TRERF1: variants seen among roughly 807,000 people sequenced by gnomAD.
The protein encoded by TRERF1 is transcriptional-regulating factor 1.
A neutral mutation model predicts 122.9 loss-of-function variants in TRERF1; 27 were observed. The observed-to-expected ratio is 0.22, with a 90% CI of 0.16 to 0.30. TRERF1 has a LOEUF of 0.30. Among genes scored for constraint, TRERF1 ranks in the 10% least tolerant of loss-of-function variants. TRERF1 has a pLI of 1.00. For missense variants in TRERF1, 1,248 were observed against 1,560.3 expected (o/e 0.80, Z 3.37); for synonymous variants, 636 against 641.7 (o/e 0.99, Z 0.13).
At chr6:42,432,959 G>A (rs1203625346) in intron 2 of TRERF1, among the ~76,000 whole-genome samples, 2 of 152,092 alleles carry the variant, frequency 1.3e-5, no homozygotes, top group Non-Finnish European at 2.9e-5. Flanking sequence ...AGGTATTATG[G>A]GGCAGTGAAT....
chr6:42,264,360 C>A (rs1404244798), intron 7 of TRERF1, among the ~76,000 whole-genome samples: 1 of 152,208 alleles, frequency 6.6e-6, no homozygotes, highest in Non-Finnish European at 1.5e-5. Flanking sequence ...CTGGAAGGCC[C>A]CAGTGGGCCT....
At chr6:42,254,760 G>T in intron 13 of TRERF1, 91 bp downstream of exon 13, 2 of 1,170,696 alleles carry the variant, frequency 1.7e-6, no homozygotes, top group South Asian at 1.2e-5. Flanking sequence ...GGACAGAACC[G>T]GTGTTATCCA....
intron 9 of TRERF1, 57 bp from the exon 10 acceptor site, chr6:42,258,258 T>TAA: frequency 1.3e-6 from 2 of 1,509,870 alleles, no homozygotes; most frequent in Non-Finnish European, 1.8e-6. Context: ...TGAAAAAGAC[T>TAA]AAAGCAAATG....
At chr6:42,288,407 A>G (rs1783652426) in intron 4 of TRERF1, among the ~76,000 whole-genome samples, 1 of 151,958 alleles carries the variant, frequency 6.6e-6, no homozygotes, top group Non-Finnish European at 1.5e-5. Context: ...CATCTCTACT[A>G]AAAATACATC....
Position 42,228,348 on chromosome 6 carries a change from T to G in TRERF1, c.3600A>C (p.Leu1200=). The G allele has an allele frequency of 6.2e-7, 1 of 1,609,946 alleles. No individual in the cohort carries two copies. The highest frequency in any genetic ancestry group is 8.5e-7 in the Non-Finnish European group (1 of 1,177,346). Residue 1200 remains leucine (L), a synonymous_variant, in exon 18 of 18, where the codon CTA becomes CTC. Transcript: ENST00000372922. The surrounding 1 kb of genome is among the most constrained non-coding windows in gnomAD (Gnocchi z 4.2). Reference sequence around the variant, plus strand: ...TCTCTAAGTGACACACAGGGCTTTATAGTTCTGCGTCACCCTGAAGCAAGA... The same window carrying G: ...TCTCTAAGTGACACACAGGGCTTTAGAGTTCTGCGTCACCCTGAAGCAAGA...
intron 2 of TRERF1, among the ~76,000 whole-genome samples, chr6:42,414,247 T>A (rs1562164784): frequency 6.6e-6 from 1 of 152,216 alleles, no homozygotes; most frequent in Non-Finnish European, 1.5e-5. Flanking sequence ...TGTAAACATT[T>A]TTTAGCCACT....
At chr6:42,289,767 A>AC (rs1242071663) in intron 4 of TRERF1, among the ~76,000 whole-genome samples, 4 of 151,956 alleles carry the variant, frequency 2.6e-5, no homozygotes, top group Non-Finnish European at 4.4e-5. Context: ...TAGTTTGCTG[A>AC]CCCCCAGTGC....
At chr6:42,426,509 G>C (rs1418148305) in intron 2 of TRERF1, among the ~76,000 whole-genome samples, 1 of 152,156 alleles carries the variant, frequency 6.6e-6, no homozygotes, top group Non-Finnish European at 1.5e-5. Flanking sequence ...TAACAGGTCT[G>C]GTTTCAAAGC....
At position 42,269,637 on chromosome 6, in the gene TRERF1, G is replaced by C. The variant is rs766370170; in HGVS notation, c.-47C>G. ...CGTCCAGCCACAAAACCATAAAAAA[G>C]GTAAATAAAACAAACCCAAAAGGAC... On this transcript the variant is annotated 5_prime_UTR_variant, in exon 5 of 18. Coordinates refer to ENST00000372922, the Ensembl canonical transcript of TRERF1. This position sits in a 1 kb window ranked among gnomAD's most constrained non-coding sequence, Gnocchi z 4.9. The C allele has an allele frequency of 6.3e-7, 1 of 1,586,314 alleles. No homozygotes were observed. Among genetic ancestry groups the C allele is most frequent in the South Asian group, 1.1e-5 (1 of 87,624 alleles).
intron 4 of TRERF1, among the ~76,000 whole-genome samples, chr6:42,280,288 C>T (rs1026475211): frequency 2.6e-5 from 4 of 152,198 alleles, no homozygotes; most frequent in African/African-American, 9.6e-5. Context: ...GGGCTGGAGG[C>T]CTTCCAGCAG....
chr6:42,367,976 C>G (rs972642452), intron 2 of TRERF1, among the ~76,000 whole-genome samples: 22 of 152,202 alleles, frequency 1.4e-4, no homozygotes, highest in Middle Eastern at 6.8e-3. Flanking sequence ...ACTTTGACAC[C>G]CTGCCTGGCC....
intron 2 of TRERF1, among the ~76,000 whole-genome samples, chr6:42,368,353 C>T (rs911054671): frequency 4.6e-5 from 7 of 152,104 alleles, no homozygotes; most frequent in East Asian, 3.9e-4. Context: ...GTTGGCTCCT[C>T]GGCGCCCCCA....
rs115573862 is a variant in TRERF1, at chr6:42,280,461, G to A, written c.-258-10613C>T. On this transcript the variant is annotated intron_variant, in intron 4 of 17. Coordinates refer to ENST00000372922, the Ensembl canonical transcript of TRERF1. ...CCCTGGCTCGCTTGCTCACTTGCTC[G>A]TCTCCGGGACTCAGCTCATGCCTCC... Among the ~76,000 whole-genome samples, 819 of 152,326 alleles carry A rather than the reference G, an allele frequency of 5.4e-3. 5 individuals carry two copies. The highest frequency in any genetic ancestry group is 0.018 in the African/African-American group (762 of 41,566).
chr6:42,425,565 A>ATT (rs1783518848), intron 2 of TRERF1, among the ~76,000 whole-genome samples: 1 of 79,998 alleles, frequency 1.3e-5, no homozygotes, highest in Non-Finnish European at 2.2e-5. Context: ...TTTTTTTGAG[A>ATT]TGGAGTCTCG....
intron 3 of TRERF1, among the ~76,000 whole-genome samples, chr6:42,318,154 CAAA>C (rs778690099): frequency 8.5e-6 from 1 of 118,102 alleles, no homozygotes; most frequent in Non-Finnish European, 1.9e-5. Context: ...ACTCTGTCTC[CAAA>C]AAAAAAAAAA....
At chr6:42,229,436 C>A (rs1372685382) in intron 17 of TRERF1, among the ~76,000 whole-genome samples, 2 of 152,200 alleles carry the variant, frequency 1.3e-5, no homozygotes, top group African/African-American at 4.8e-5. Context: ...CTGCGCCCAA[C>A]CCACGGTCAA....
rs1202919635 is a variant in TRERF1 at position 42,268,330 on chromosome 6, T to A, written c.1261A>T (p.Ser421Cys). The A allele has an allele frequency of 6.6e-7, 1 of 1,516,398 alleles. No homozygotes were observed. Among genetic ancestry groups the A allele is most frequent in the Non-Finnish European group, 8.8e-7 (1 of 1,133,480 alleles). 93.9% of individuals were successfully genotyped at this position (1,516,398 alleles called of 1,614,324 possible). Residue 421 changes from serine to cysteine, a missense_variant, in exon 5 of 18, where the codon AGC becomes TGC. Ser to Cys is a moderately radical substitution (Grantham distance 112). Around this residue, in one of 5 missense-constraint regions of TRERF1, gnomAD observed 946 missense variants for 1,073.0 expected, o/e 0.88. Transcript: ENST00000372922. The surrounding 1 kb of genome is among the most constrained non-coding windows in gnomAD (Gnocchi z 4.4). ...GGAGGCCCCAGGTCCCCATGGGAGC[T>A]CAGCATGGCCTGGGCCTGTCTGTCA...
At chr6:42,379,119 C>CA (rs201333864) in intron 2 of TRERF1, among the ~76,000 whole-genome samples, 1 of 151,528 alleles carries the variant, frequency 6.6e-6, no homozygotes, top group African/African-American at 2.4e-5. Context: ...GGGCTTGTCT[C>CA]AAAAAAAAAT....
chr6:42,440,142 C>T (rs1362268766), intron 2 of TRERF1, among the ~76,000 whole-genome samples: 1 of 152,208 alleles, frequency 6.6e-6, no homozygotes, highest in African/African-American at 2.4e-5. Context: ...TAACAGCTCA[C>T]TCCAGGAACT....
Sources: gnomAD v4.1 joint callset for allele counts (sites outside exome capture counted in the v4.1 genomes callset) on GRCh38, gnomAD v4.1.1 for gene constraint, gnomAD v4.1.1 regional missense constraint, Gnocchi (gnomAD v3.1) non-coding constraint, MANE v1.5 for transcripts, NCBI Gene and HGNC (gene_info 2026-07-23, HGNC 2026-07-21) for gene names.